SEC24A: variants seen among roughly 807,000 people sequenced by gnomAD.
SEC24A encodes the protein SEC24 homolog A, COPII component.
SEC24A carries 93 observed loss-of-function variants against 129.4 expected under a neutral mutation model. The observed-to-expected ratio is 0.72, with a 90% confidence interval of 0.61 to 0.85. The LOEUF is 0.85. Among genes scored for constraint, SEC24A ranks in the 40% least tolerant of loss-of-function variants. The pLI is 0.00. For missense variants in SEC24A, 1,264 were observed against 1,307.4 expected (o/e 0.97, Z 0.51); for synonymous variants, 460 against 467.3 (o/e 0.98, Z 0.20).
chr5:134,717,447 C>T (rs529650170), intron 19 of SEC24A, among the ~76,000 whole-genome samples: 12 of 150,356 alleles, frequency 8.0e-5, no homozygotes, highest in East Asian at 6.1e-4. Context: ...GCGGAGGTTG[C>T]GGTGAGCCAA....
chr5:134,664,792 C>CTTTTT (rs70976552), intron 2 of SEC24A, among the ~76,000 whole-genome samples: 106 of 86,178 alleles, frequency 1.2e-3, no homozygotes, highest in East Asian at 2.6e-3. Flanking sequence ...TTTTCTTTTT[C>CTTTTT]TTTTTTTTTT....
intron 8 of SEC24A, among the ~76,000 whole-genome samples, chr5:134,681,442 TTGTG>T (rs34487329): frequency 0.056 from 8,023 of 143,600 alleles, 474 homozygotes; most frequent in African/African-American, 0.15. Context: ...GTTTTATTGT[TTGTG>T]TGTGTGTGTG....
chr5:134,661,429 G>T lies in SEC24A; in HGVS notation c.408G>T (p.Leu136Phe). The change falls in exon 2 of 23, where the codon TTG becomes TTT. Residue 136 changes from leucine (L) to phenylalanine (F), a missense_variant. Leu to Phe is a conservative substitution (Grantham distance 22). Transcript: ENST00000398844. Reference protein sequence around the residue: ...FLPEANLPPPLNWQYNYPSTA... With the variant: ...FLPEANLPPPFNWQYNYPSTA... ...CTGAAGCCAACCTGCCACCACCTTT[G>T]AATTGGCAATATAACTATCCATCCA... 1 of 1,614,108 alleles carries T rather than the reference G, an allele frequency of 6.2e-7. No homozygotes were observed. Among genetic ancestry groups the T allele is most frequent in the South Asian group, 1.1e-5 (1 of 91,090 alleles).
At chr5:134,692,270 C>T (rs1219886916) in intron 11 of SEC24A, among the ~76,000 whole-genome samples, 2 of 152,036 alleles carry the variant, frequency 1.3e-5, no homozygotes, top group Non-Finnish European at 2.9e-5. Context: ...TGGTCTCAAA[C>T]TCCTGAGTTC....
intron 15 of SEC24A, among the ~76,000 whole-genome samples, chr5:134,698,741 C>T (rs1751911731): frequency 6.7e-6 from 1 of 148,808 alleles, no homozygotes. Flanking sequence ...AAGTGATTCT[C>T]CCTGCTTCAG....
In SEC24A at chr5:134,661,391, A is replaced by G. The variant is rs771359887; in HGVS notation, c.370A>G (p.Ser124Gly). 6.2e-7 allele frequency: 1 copy of G among 1,614,190 alleles called. No homozygotes were observed. Among genetic ancestry groups the G allele is most frequent in the Non-Finnish European group, 8.5e-7 (1 of 1,180,032 alleles). ...QNPATTPMPS[S>G]SFLPEANLPP... ...CCCAGCTACTACACCAATGCCTTCT[A>G]GTAGCTTTCTTCCTGAAGCCAACCT... The change falls in exon 2 of 23, where the codon AGT becomes GGT. Residue 124 changes from serine to glycine, a missense_variant. By Grantham distance (56) the Ser-to-Gly change is moderately conservative. Coordinates refer to ENST00000398844, the MANE Select transcript of SEC24A (RefSeq NM_021982.3).
At chr5:134,663,618 G>T (rs1750551103) in intron 2 of SEC24A, among the ~76,000 whole-genome samples, 1 of 152,082 alleles carries the variant, frequency 6.6e-6, no homozygotes, top group African/African-American at 2.4e-5. Context: ...CAGGAGGCCA[G>T]GAGTTCACTA....
chr5:134,649,222 C>A, intron 1 of SEC24A, 49 bp downstream of exon 1: 1 of 1,336,702 alleles, frequency 7.5e-7, no homozygotes, highest in Non-Finnish European at 1.0e-6. Flanking sequence ...GCTGACTGAC[C>A]TTTGCGTGCC....
intron 18 of SEC24A, among the ~76,000 whole-genome samples, chr5:134,712,155 T>C (rs1752346174): frequency 6.6e-6 from 1 of 152,120 alleles, no homozygotes; most frequent in African/African-American, 2.4e-5. Context: ...TTTCCTGAAC[T>C]CTGGGATCTA....
Position 134,697,178 on chromosome 5 carries a change from G to A in SEC24A, c.2039G>A (p.Cys680Tyr). ...TDFYKKLALD[C>Y]SGQQVAVDLF... ...TTCTATAAGAAATTAGCCTTGGACT[G>A]TTCTGGTCAGCAAGTTGCTGTTGAC... Residue 680 changes from cysteine to tyrosine, a missense_variant, in exon 14 of 23, where the codon TGT becomes TAT. Cys to Tyr is a radical substitution (Grantham distance 194, BLOSUM62 -2). Coordinates refer to ENST00000398844, the MANE Select transcript of SEC24A (RefSeq NM_021982.3). The A allele has an allele frequency of 6.3e-7, 1 of 1,599,988 alleles. No individual in the cohort carries two copies. The highest frequency in any genetic ancestry group is 8.6e-7 in the Non-Finnish European group (1 of 1,168,264).
At chr5:134,713,958 C>G (rs1381343804) in intron 18 of SEC24A, among the ~76,000 whole-genome samples, 1 of 151,594 alleles carries the variant, frequency 6.6e-6, no homozygotes, top group African/African-American at 2.4e-5. Flanking sequence ...AGGAGAATCG[C>G]TTGAACCTGG....
chr5:134,670,972 G>C (rs776107847), intron 3 of SEC24A, among the ~76,000 whole-genome samples: 1 of 151,984 alleles, frequency 6.6e-6, no homozygotes, highest in African/African-American at 2.4e-5. Context: ...CTGGGCAACA[G>C]AGTGAGACTC....
At chr5:134,676,170 C>G (rs1264882988) in intron 7 of SEC24A, 45 bp downstream of exon 7, 1 of 1,390,984 alleles carries the variant, frequency 7.2e-7, no homozygotes, top group African/African-American at 1.5e-5. Flanking sequence ...GACGGAGTCT[C>G]CCTCTGTCGC....
chr5:134,721,719 T>A (rs1464188054), intron 21 of SEC24A, among the ~76,000 whole-genome samples: 1 of 151,808 alleles, frequency 6.6e-6, no homozygotes, highest in African/African-American at 2.4e-5. Context: ...AGAACATTTT[T>A]AAAATAGCTG....
chr5:134,682,426 A>G lies in SEC24A; in HGVS notation c.1435A>G (p.Arg479Gly). 2.5e-6 allele frequency: 4 copies of G among 1,610,244 alleles called. No individual in the cohort carries two copies. Among genetic ancestry groups the G allele is most frequent in the African/African-American group, 1.3e-5 (1 of 74,978 alleles). Residue 479 changes from arginine (R) to glycine (G), a missense_variant, in exon 9 of 23, where the codon AGA (arginine) becomes GGA (glycine). Physicochemically the swap from Arg to Gly is moderately radical, Grantham distance 125. Transcript: ENST00000398844. ...GACCAGAGTTTATGGAGAACCTCAC[A>G]GAAGACCAGAAGTTCAAAATGCTAC... Reference protein sequence around the residue: ...PLTRVYGEPHRRPEVQNATIE... With the variant: ...PLTRVYGEPHGRPEVQNATIE...
intron 21 of SEC24A, among the ~76,000 whole-genome samples, chr5:134,722,280 C>T (rs1187335988): frequency 6.6e-6 from 1 of 152,064 alleles, no homozygotes; most frequent in Non-Finnish European, 1.5e-5. Flanking sequence ...CACCTGAGGT[C>T]GGGAGTTCAA....
At chr5:134,698,608 A>G (rs246342) in intron 15 of SEC24A, among the ~76,000 whole-genome samples, 1 of 151,076 alleles carries the variant, frequency 6.6e-6, no homozygotes, top group Non-Finnish European at 1.5e-5. Flanking sequence ...CAAAAAAAAA[A>G]AAAAGAAGAA....
chr5:134,726,779 G>A lies in SEC24A; in HGVS notation c.*1685G>A, dbSNP rs950343659. On this transcript the variant is annotated 3_prime_UTR_variant, in exon 23 of 23. Transcript: ENST00000398844. ...TGATGTTTCTTAAAATAACTAAAAT[G>A]TTCCTCTTAATGTGATTTTAAATGG... 1 of 152,050 alleles carries A rather than the reference G, an allele frequency of 6.6e-6. No individual in the cohort carries two copies. The highest frequency in any genetic ancestry group is 2.4e-5 in the African/African-American group (1 of 41,416). The allele number at this position is 152,050 out of a possible 1,614,324, so 9.4% of individuals were successfully genotyped here. A position where few individuals can be genotyped will look rare whatever the true frequency, so the allele number is the denominator to read the frequency against.
chr5:134,666,039 A>G lies in SEC24A; in HGVS notation c.566-784A>G, dbSNP rs1750648085. Reference sequence around the variant, plus strand: ...AGTGGCTCACGCCTGTAATCCCAGCACTTTGGGAGGCCAAGACAGGAGGAT... The same window carrying G: ...AGTGGCTCACGCCTGTAATCCCAGCGCTTTGGGAGGCCAAGACAGGAGGAT... On this transcript the variant is annotated intron_variant, in intron 2 of 22. Transcript: ENST00000398844. Among the ~76,000 whole-genome samples, 3 of 152,288 alleles carry G rather than the reference A, an allele frequency of 2.0e-5. No individual in the cohort carries two copies. The South Asian group carries it at 6.2e-4, about 32-fold the overall frequency.
Sources: gnomAD v4.1 joint callset for allele counts (sites outside exome capture counted in the v4.1 genomes callset) on GRCh38, gnomAD v4.1.1 for gene constraint, MANE v1.5 for transcripts, NCBI Gene and HGNC (gene_info 2026-07-23, HGNC 2026-07-21) for gene names.